ZMAT4: variants seen among roughly 807,000 people sequenced by gnomAD.
ZMAT4 encodes the protein zinc finger matrin-type protein 4.
In ZMAT4, 17 loss-of-function variants were observed where a neutral mutation model predicts 28.7. The ratio of observed to expected loss-of-function variants is 0.59; its 90% CI spans 0.41 to 0.89. ZMAT4 has a LOEUF of 0.89. ZMAT4 is among the 40% of genes least tolerant of loss of function. ZMAT4 has a pLI of 0.00. For missense variants in ZMAT4, 240 were observed against 283.8 expected, an observed-to-expected ratio of 0.85 and a Z score of 1.11; for synonymous variants, 117 against 109.2, an observed-to-expected ratio of 1.07 and a Z score of -0.44.
At chr8:40,608,881 GC>G (rs1488578574) in intron 5 of ZMAT4, among the ~76,000 whole-genome samples, 2 of 152,158 alleles carry the variant, frequency 1.3e-5, no homozygotes, top group African/African-American at 4.8e-5. Context: ...GTGTTCAGGG[GC>G]AGACTTTCCC....
rs189303301 is a variant in ZMAT4, at chr8:40,868,773, C to T, written c.-5+28910G>A. On this transcript the variant is annotated intron_variant, in intron 1 of 6. Coordinates refer to ENST00000297737, the MANE Select transcript of ZMAT4 (RefSeq NM_024645.3). ...AACAGGCTTTTGAGAAGTGCCTGCCCGTGCCTCTCCACTGCCTGGCTGCCA... is the reference window on the plus strand; with the variant it reads ...AACAGGCTTTTGAGAAGTGCCTGCCTGTGCCTCTCCACTGCCTGGCTGCCA... Among the ~76,000 whole-genome samples the T allele has an allele frequency of 4.6e-5, 7 of 152,300 alleles. No homozygotes were observed. The South Asian group carries it at 1.0e-3, about 23-fold the overall frequency.
intron 5 of ZMAT4, among the ~76,000 whole-genome samples, chr8:40,628,281 G>A (rs979888198): frequency 5.9e-5 from 9 of 152,140 alleles, no homozygotes; most frequent in African/African-American, 1.2e-4. Context: ...ACAGGAAAGC[G>A]TTAAGACGGT....
intron 3 of ZMAT4, among the ~76,000 whole-genome samples, chr8:40,725,376 G>A (rs1226011941): frequency 6.6e-6 from 1 of 152,062 alleles, no homozygotes; most frequent in South Asian, 2.1e-4. Flanking sequence ...CCTCAGGGGG[G>A]ATATCTTTTG....
chr8:40,812,576 G>T (rs1160399895), intron 2 of ZMAT4, among the ~76,000 whole-genome samples: 1 of 152,184 alleles, frequency 6.6e-6, no homozygotes, highest in Non-Finnish European at 1.5e-5. Flanking sequence ...CCCTGGGACA[G>T]AAAATGACAC....
At chr8:40,615,572 A>G (rs1449388033) in intron 5 of ZMAT4, among the ~76,000 whole-genome samples, 1 of 152,208 alleles carries the variant, frequency 6.6e-6, no homozygotes, top group Non-Finnish European at 1.5e-5. Flanking sequence ...CCAATCAGAC[A>G]TAGATTTGGT....
intron 1 of ZMAT4, among the ~76,000 whole-genome samples, chr8:40,848,502 G>C (rs774572277): frequency 6.6e-6 from 1 of 152,222 alleles, no homozygotes; most frequent in Non-Finnish European, 1.5e-5. Context: ...TCAGGCAGCT[G>C]TACATGATTG....
chr8:40,770,133 T>C (rs1457235884), intron 2 of ZMAT4, among the ~76,000 whole-genome samples: 1 of 152,126 alleles, frequency 6.6e-6, no homozygotes, highest in African/African-American at 2.4e-5. Context: ...TACCACCTGA[T>C]TCTGGAATGA....
chr8:40,554,834 C>A (rs1803479044), intron 6 of ZMAT4, among the ~76,000 whole-genome samples: 1 of 152,092 alleles, frequency 6.6e-6, no homozygotes, highest in Non-Finnish European at 1.5e-5. Flanking sequence ...TCTATTCTAG[C>A]CACTTTGAAA....
At chr8:40,751,336 A>G (rs555542996) in intron 3 of ZMAT4, among the ~76,000 whole-genome samples, 1 of 152,082 alleles carries the variant, frequency 6.6e-6, no homozygotes, top group Non-Finnish European at 1.5e-5. Flanking sequence ...GAAGCTTCCA[A>G]TCATGGCAGA....
At chr8:40,818,797 A>G (rs1815640671) in intron 2 of ZMAT4, among the ~76,000 whole-genome samples, 1 of 152,194 alleles carries the variant, frequency 6.6e-6, no homozygotes. Context: ...CACAACTCTC[A>G]CGCATCAGAA....
chr8:40,639,207 C>T (rs890594590), intron 5 of ZMAT4, among the ~76,000 whole-genome samples: 1 of 152,132 alleles, frequency 6.6e-6, no homozygotes, highest in African/African-American at 2.4e-5. Flanking sequence ...TTTTTTTTAG[C>T]TTTTTAAATT....
At chr8:40,802,232 TAAGGAAAGAA>T (rs1456698037) in intron 2 of ZMAT4, among the ~76,000 whole-genome samples, 2 of 152,034 alleles carry the variant, frequency 1.3e-5, no homozygotes, top group Non-Finnish European at 2.9e-5. Flanking sequence ...GCTAATGCAA[TAAGGAAAGAA>T]AAGGAAATAA....
At chr8:40,610,893 T>C (rs182850865) in intron 5 of ZMAT4, among the ~76,000 whole-genome samples, 1,570 of 151,240 alleles carry the variant, frequency 0.01, 9 homozygotes, top group Non-Finnish European at 0.016. Flanking sequence ...CTAGACTAAA[T>C]TTTCTCCTAT....
chr8:40,598,829 T>C (rs557838066), intron 5 of ZMAT4, among the ~76,000 whole-genome samples: 2 of 151,398 alleles, frequency 1.3e-5, no homozygotes, highest in African/African-American at 4.8e-5. Context: ...CAAATGCAGT[T>C]TTTAGATGTA....
chr8:40,568,042 T>G (rs899450669), intron 6 of ZMAT4, among the ~76,000 whole-genome samples: 2 of 152,050 alleles, frequency 1.3e-5, no homozygotes, highest in African/African-American at 4.8e-5. Context: ...GTAAAGAAAT[T>G]CCACGTAGAG....
chr8:40,747,634 G>A (rs1812294520), intron 3 of ZMAT4, among the ~76,000 whole-genome samples: 2 of 152,052 alleles, frequency 1.3e-5, no homozygotes, highest in Non-Finnish European at 2.9e-5. Context: ...AGTATGTATG[G>A]TAAGAGAGGT....
intron 3 of ZMAT4, among the ~76,000 whole-genome samples, chr8:40,713,169 T>C (rs1426219608): frequency 6.6e-6 from 1 of 152,016 alleles, no homozygotes; most frequent in Non-Finnish European, 1.5e-5. Context: ...TTCAAATTAG[T>C]ATGTAATAAA....
chr8:40,600,799 C>A (rs1805275871), intron 5 of ZMAT4, among the ~76,000 whole-genome samples: 1 of 152,200 alleles, frequency 6.6e-6, no homozygotes, highest in South Asian at 2.1e-4. Flanking sequence ...TCAGCCCACA[C>A]TGCCATCCCC....
At chr8:40,746,095 A>G (rs1812203175) in intron 3 of ZMAT4, among the ~76,000 whole-genome samples, 1 of 151,876 alleles carries the variant, frequency 6.6e-6, no homozygotes, top group Non-Finnish European at 1.5e-5. Flanking sequence ...AGACGTTCTC[A>G]ACTGCAGAGC....
Sources: gnomAD v4.1 joint callset for allele counts (sites outside exome capture counted in the v4.1 genomes callset) on GRCh38, gnomAD v4.1.1 for gene constraint, MANE v1.5 for transcripts, NCBI Gene and HGNC (gene_info 2026-07-23, HGNC 2026-07-21) for gene names.